Variants in PPP1R13B observed in about 807,000 individuals in gnomAD.
PPP1R13B encodes protein phosphatase 1 regulatory subunit 13B.
Under a neutral mutation model 119.8 loss-of-function variants are expected in PPP1R13B, and 44 were observed. The ratio of observed to expected loss-of-function variants is 0.37; its 90% CI spans 0.29 to 0.47. The LOEUF is 0.47. PPP1R13B is among the 20% of genes least tolerant of loss of function. The pLI, the probability that PPP1R13B is intolerant of heterozygous loss-of-function variation, is 0.99. For missense variants in PPP1R13B, 1,227 were observed against 1,413.5 expected, an observed-to-expected ratio of 0.87 and a Z score of 2.12; for synonymous variants, 542 against 561.5, an observed-to-expected ratio of 0.97 and a Z score of 0.49.
chr14:103,791,938 G>T (rs1413063392), intron 2 of PPP1R13B, among the ~76,000 whole-genome samples: 1 of 151,852 alleles, frequency 6.6e-6, no homozygotes, highest in Non-Finnish European at 1.5e-5. Flanking sequence ...TATTCACATT[G>T]CTTAGGCTTA....
At chr14:103,782,127 C>A (rs914233357) in intron 3 of PPP1R13B, among the ~76,000 whole-genome samples, 1 of 152,238 alleles carries the variant, frequency 6.6e-6, no homozygotes, top group Admixed American at 6.5e-5. Flanking sequence ...CCTTTCCCCC[C>A]AGGCCAACAA....
At chr14:103,770,719 C>T (rs1389741828) in intron 4 of PPP1R13B, among the ~76,000 whole-genome samples, 3 of 152,130 alleles carry the variant, frequency 2.0e-5, no homozygotes, top group Non-Finnish European at 2.9e-5. Flanking sequence ...TCATGGCTGA[C>T]AGGACACCCT....
At chr14:103,834,079 T>C (rs1019546077) in intron 1 of PPP1R13B, among the ~76,000 whole-genome samples, 4 of 152,110 alleles carry the variant, frequency 2.6e-5, no homozygotes, top group African/African-American at 9.7e-5. Context: ...ATATAAGTAC[T>C]ACAAAGAGGA....
intron 1 of PPP1R13B, among the ~76,000 whole-genome samples, chr14:103,842,515 C>T (rs1479637805): frequency 6.6e-6 from 1 of 151,768 alleles, no homozygotes; most frequent in Non-Finnish European, 1.5e-5. Context: ...GTTGAGCAGG[C>T]TGGTCTTGAA....
At position 103,777,811 on chromosome 14, in the gene PPP1R13B, A is replaced by AC. The variant is rs1471925531; in HGVS notation, c.354+933_354+934insG. Reference sequence around the variant, plus strand: ...CGGTAAAAAGCAATTAAAAAAAAAAAAAAAACAGGGTCTTACTCTGTTGAC... The same window carrying AC: ...CGGTAAAAAGCAATTAAAAAAAAAAACAAAAACAGGGTCTTACTCTGTTGAC... On this transcript the variant is annotated intron_variant, in intron 4 of 16. Coordinates refer to ENST00000202556, the MANE Select transcript of PPP1R13B (RefSeq NM_015316.3). Among the ~76,000 whole-genome samples the AC allele has an allele frequency of 1.3e-4, 19 of 151,800 alleles. 1 individual carries two copies. Among genetic ancestry groups the AC allele is most frequent in the Admixed American group, 1.1e-3 (17 of 15,238 alleles).
chr14:103,766,653 G>A (rs960184421), intron 4 of PPP1R13B, among the ~76,000 whole-genome samples: 4 of 152,144 alleles, frequency 2.6e-5, no homozygotes, highest in Non-Finnish European at 5.9e-5. Flanking sequence ...TCTGTCACCA[G>A]CTAGAGTGCA....
intron 2 of PPP1R13B, among the ~76,000 whole-genome samples, chr14:103,786,305 G>C (rs1446112341): frequency 6.6e-6 from 1 of 152,168 alleles, no homozygotes; most frequent in Non-Finnish European, 1.5e-5. Context: ...GCCTCCCAAA[G>C]TGCTGGGATT....
intron 12 of PPP1R13B, 111 bp from the exon 13 acceptor site, chr14:103,739,134 C>T (rs2084184812): frequency 3.5e-6 from 5 of 1,440,712 alleles, no homozygotes; most frequent in Admixed American, 2.1e-5. Context: ...AGTGGCTCCG[C>T]GAAGCAGCCC....
At chr14:103,792,939 C>T (rs1202590718) in intron 2 of PPP1R13B, among the ~76,000 whole-genome samples, 4 of 151,666 alleles carry the variant, frequency 2.6e-5, no homozygotes, top group Admixed American at 6.6e-5. Context: ...GGCATGGTGG[C>T]GCATGCCTGT....
intron 4 of PPP1R13B, among the ~76,000 whole-genome samples, chr14:103,761,492 T>C (rs972045094): frequency 1.3e-5 from 2 of 151,960 alleles, no homozygotes; most frequent in African/African-American, 4.8e-5. Flanking sequence ...GGCCGGGCGC[T>C]GTGGCTCACA....
chr14:103,773,526 T>C (rs2085117397), intron 4 of PPP1R13B, among the ~76,000 whole-genome samples: 1 of 152,122 alleles, frequency 6.6e-6, no homozygotes, highest in Non-Finnish European at 1.5e-5. Context: ...CATCAAATAA[T>C]ATAAAACCAC....
At chr14:103,774,573 G>A (rs540038627) in intron 4 of PPP1R13B, among the ~76,000 whole-genome samples, 117 of 152,190 alleles carry the variant, frequency 7.7e-4, no homozygotes, top group African/African-American at 2.8e-3. Flanking sequence ...GAACTTCCCC[G>A]GCTTCTTAGT....
intron 5 of PPP1R13B, among the ~76,000 whole-genome samples, chr14:103,756,741 C>G (rs61668766): frequency 0.025 from 3,789 of 151,896 alleles, 134 homozygotes; most frequent in African/African-American, 0.078. Context: ...ACAAAAGCAC[C>G]CTTTCTTCCC....
intron 2 of PPP1R13B, among the ~76,000 whole-genome samples, chr14:103,789,493 G>C (rs1396449645): frequency 1.3e-5 from 2 of 151,864 alleles, no homozygotes; most frequent in Non-Finnish European, 2.9e-5. Flanking sequence ...TGAAATTATA[G>C]GTGTGAACCA....
intron 2 of PPP1R13B, chr14:103,794,765 T>C (rs2085717916): frequency 6.9e-6 from 2 of 290,980 alleles, no homozygotes; most frequent in Non-Finnish European, 1.4e-5. Context: ...CACTGGAAGT[T>C]ACCTTCTCTT....
chr14:103,778,135 G>A (rs968037229), intron 4 of PPP1R13B, among the ~76,000 whole-genome samples: 6 of 148,798 alleles, frequency 4.0e-5, no homozygotes, highest in Middle Eastern at 3.3e-3. Context: ...TGTATTTTTA[G>A]TAGAAACAGG....
At position 103,753,087 on chromosome 14, in the gene PPP1R13B, T is replaced by G. The variant is rs2084589997; in HGVS notation, c.741A>C (p.Lys247Asn). The part of the protein sequence containing the change: ...QLSQQLEDLK[K>N]GKLNGFQSYN... Reference sequence around the variant, plus strand: ...AAGACTGGAACCCATTCAGTTTTCCTTTCTTTAAATCTTCCAATTGCTGAC... The same window carrying G: ...AAGACTGGAACCCATTCAGTTTTCCGTTCTTTAAATCTTCCAATTGCTGAC... Residue 247 changes from lysine to asparagine, a missense_variant, in exon 7 of 17, where the codon AAA becomes AAC. Transcript: ENST00000202556. 2 of 1,614,178 alleles carry G rather than the reference T, an allele frequency of 1.2e-6. No individual in the cohort carries two copies. Among genetic ancestry groups the G allele is most frequent in the African/African-American group, 2.7e-5 (2 of 75,064 alleles).
At chr14:103,821,914 G>A (rs1470140341) in intron 1 of PPP1R13B, among the ~76,000 whole-genome samples, 1 of 151,962 alleles carries the variant, frequency 6.6e-6, no homozygotes, top group African/African-American at 2.4e-5. Context: ...TAAGTCCAAG[G>A]CATTTAGTTG....
rs927107159 is a variant in PPP1R13B, at chr14:103,818,589, G to A, written c.10-21071C>T. On this transcript the variant is annotated intron_variant, in intron 1 of 16. Coordinates refer to ENST00000202556, the MANE Select transcript of PPP1R13B (RefSeq NM_015316.3). ...AACCTCAGAGACATCAACTGGGATG[G>A]CCTTCAGATGACAATTCTTTCTCCT... is the stretch of plus-strand genomic sequence containing the variant. The A allele has an allele frequency of 4.6e-6, 3 of 656,458 alleles. No homozygotes were observed. In the African/African-American group the frequency reaches 5.9e-5, roughly 13 times the overall value. 40.7% of individuals were successfully genotyped at this position (656,458 alleles called of 1,614,324 possible). A position where few individuals can be genotyped will look rare whatever the true frequency, so the allele number is the denominator to read the frequency against.
Sources: allele counts gnomAD v4.1 joint callset (sites outside exome capture counted in the v4.1 genomes callset), GRCh38; gene constraint gnomAD v4.1.1; transcripts MANE v1.5; gene names NCBI Gene and HGNC (gene_info 2026-07-23, HGNC 2026-07-21).